Variants in IL9R observed in about 807,000 individuals in gnomAD.
IL9R encodes the protein interleukin 9 receptor.
IL9R carries 54 observed loss-of-function variants against 56.3 expected under a neutral mutation model. The observed-to-expected ratio is 0.96, with a 90% confidence interval of 0.77 to 1.20. The LOEUF (loss-of-function observed/expected upper bound fraction) is 1.20, where lower values mean the gene tolerates loss of function less well. IL9R is among the 50% of genes most tolerant of loss of function. The pLI is 0.00. For missense variants in IL9R, 545 were observed against 629.8 expected (o/e 0.87, Z 1.44); for synonymous variants, 212 against 250.2 (o/e 0.85, Z 1.44).
At chrX:156,005,123 G>A (rs1427173479) in intron 5 of IL9R, among the ~76,000 whole-genome samples, 155 bp from the exon 6 acceptor site, 4 of 152,048 alleles carry the variant, frequency 2.6e-5, no homozygotes, top group African/African-American at 9.7e-5. Context: ...CCTTCTGTGT[G>A]TGTGTGTGCA....
Position 156,003,509 on chromosome X carries a change from G to T in IL9R, c.203G>T (p.Trp68Leu). 6.2e-7 allele frequency: 1 copy of T among 1,612,684 alleles called. No individual in the cohort carries two copies. The highest frequency in any genetic ancestry group is 8.5e-7 in the Non-Finnish European group (1 of 1,179,810). ...TNNILRIDCH[W>L]SAPELGQGSS... ...AACATTCTCAGGATCGATTGCCACT[G>T]GTCTGCCCCAGAGCTGGGACAGGGC... Residue 68 changes from tryptophan (W) to leucine (L), a missense_variant, in exon 3 of 9, where the codon TGG becomes TTG. By Grantham distance (61) the Trp-to-Leu change is moderately conservative. Transcript: ENST00000244174.
At chrX:155,998,014 G>T (rs2067255740) in intron 1 of IL9R, among the ~76,000 whole-genome samples, 1 of 152,100 alleles carries the variant, frequency 6.6e-6, no homozygotes, top group Admixed American at 6.5e-5. Flanking sequence ...GTCCTGTAGG[G>T]GTCATGGGTT....
At chrX:156,009,266 T>TTGTG (rs1569479099) in intron 8 of IL9R, among the ~76,000 whole-genome samples, 1 of 32,744 alleles carries the variant, frequency 3.1e-5, no homozygotes, top group Non-Finnish European at 6.6e-5. Flanking sequence ...GTGTGTGTGT[T>TTGTG]TGTGTGTGTA....
At chrX:156,001,307 C>T in intron 1 of IL9R, 1 of 842,468 alleles carries the variant, frequency 1.2e-6, no homozygotes, top group African/African-American at 1.6e-5. Context: ...TCAGCTGTGG[C>T]CGTTGTGCCT....
rs756451413 is a variant in IL9R at position 156,009,906 on chromosome X, G to C, written c.1063G>C (p.Ala355Pro). ...QGALEPCVQE[A>P]TALLTCGPAR... Reference sequence around the variant, plus strand: ...AGCCTTGGAGCCCTGCGTCCAGGAGGCCACTGCACTGCTCACTTGTGGCCC... The same window carrying C: ...AGCCTTGGAGCCCTGCGTCCAGGAGCCCACTGCACTGCTCACTTGTGGCCC... Residue 355 changes from alanine (A) to proline (P), a missense_variant, in exon 9 of 9, where the codon GCC (alanine) becomes CCC (proline). Physicochemically the swap from Ala to Pro is conservative, Grantham distance 27 (BLOSUM62 -1). This residue lies in a region of IL9R where 114 missense variants were observed against 269.8 expected (regional missense o/e 0.42). Coordinates refer to ENST00000244174, the MANE Select transcript of IL9R (RefSeq NM_002186.3). 6.5e-7 allele frequency: 1 copy of C among 1,548,212 alleles called. No homozygotes were observed. The highest frequency in any genetic ancestry group is 8.6e-7 in the Non-Finnish European group (1 of 1,156,766).
At chrX:156,009,263 T>C (rs1286856527) in intron 8 of IL9R, among the ~76,000 whole-genome samples, 2 of 45,796 alleles carry the variant, frequency 4.4e-5, no homozygotes, top group African/African-American at 1.7e-4. Flanking sequence ...TGTGTGTGTG[T>C]GTTTGTGTGT....
chrX:156,005,069 T>C (rs752143141), intron 5 of IL9R, among the ~76,000 whole-genome samples: 3 of 152,240 alleles, frequency 2.0e-5, no homozygotes, highest in African/African-American at 7.2e-5. Flanking sequence ...TGTGCATATG[T>C]GTATTTGTGG....
intron 8 of IL9R, among the ~76,000 whole-genome samples, chrX:156,008,858 C>T (rs1423073856): frequency 2.7e-5 from 4 of 149,462 alleles, no homozygotes; most frequent in Non-Finnish European, 3.0e-5. Flanking sequence ...GACAGCGATT[C>T]GTGTGTGTGT....
intron 6 of IL9R, 36 bp downstream of exon 6, chrX:156,005,515 G>T: frequency 6.3e-7 from 1 of 1,578,994 alleles, no homozygotes; most frequent in Non-Finnish European, 8.7e-7. Flanking sequence ...TTCCAGCGGA[G>T]TCTGGGCTGG....
Position 156,010,158 on chromosome X carries a change from A to G in IL9R, c.1315A>G (p.Asn439Asp). The G allele has an allele frequency of 1.4e-6, 2 of 1,478,428 alleles. No individual in the cohort carries two copies. Among genetic ancestry groups the G allele is most frequent in the Non-Finnish European group, 9.0e-7 (1 of 1,111,936 alleles). The allele number at this position is 1,478,428 out of a possible 1,614,324, so 91.6% of individuals were successfully genotyped here. A position where few individuals can be genotyped will look rare whatever the true frequency, so the allele number is the denominator to read the frequency against. The change falls in exon 9 of 9, where the codon AAC becomes GAC. Residue 439 changes from asparagine (N) to aspartate (D), a missense_variant. Physicochemically the swap from Asn to Asp is conservative, Grantham distance 23 (BLOSUM62 1). This residue lies in a region of IL9R where 114 missense variants were observed against 269.8 expected (regional missense o/e 0.42). Coordinates refer to ENST00000244174, the MANE Select transcript of IL9R (RefSeq NM_002186.3). ...GAGCAGCAGCAGCAGCAGCAGCAGCAACAACAACAACTACTGTGCCTTGGG... is the reference window on the plus strand; with the variant it reads ...GAGCAGCAGCAGCAGCAGCAGCAGCGACAACAACAACTACTGTGCCTTGGG... ...SRSSSSSSSS[N>D]NNNYCALGCY...
intron 4 of IL9R, 47 bp downstream of exon 4, chrX:156,003,902 T>C: frequency 1.3e-6 from 2 of 1,597,566 alleles, no homozygotes; most frequent in Non-Finnish European, 1.7e-6. Flanking sequence ...GGCAAGAACA[T>C]CCTGGCTGCT....
At chrX:155,999,537 A>T (rs930350515) in intron 1 of IL9R, among the ~76,000 whole-genome samples, 1 of 151,814 alleles carries the variant, frequency 6.6e-6, no homozygotes, top group African/African-American at 2.4e-5. Context: ...CCCTGTCAGC[A>T]CCTTACATAC....
intron 5 of IL9R, 124 bp downstream of exon 5, chrX:156,004,689 G>T: frequency 3.1e-6 from 3 of 964,900 alleles, no homozygotes; most frequent in East Asian, 2.5e-5. Context: ...CTAGAGCGGG[G>T]TGTGTGTGCA....
chrX:156,009,138 TTTG>T (rs1481931525), intron 8 of IL9R, among the ~76,000 whole-genome samples: 2 of 116,204 alleles, frequency 1.7e-5, no homozygotes, highest in Admixed American at 7.6e-5. Context: ...TGTGTGTGTG[TTTG>T]TGTGTGTGTG....
At chrX:156,001,439 C>A (rs1353943001) in intron 1 of IL9R, 3 of 1,611,122 alleles carry the variant, frequency 1.9e-6, no homozygotes, top group Non-Finnish European at 2.5e-6. Flanking sequence ...GACACTGCTG[C>A]AGAGAACTTG....
intron 1 of IL9R, among the ~76,000 whole-genome samples, chrX:156,002,556 C>T (rs2067605370): frequency 6.6e-6 from 1 of 152,066 alleles, no homozygotes; most frequent in Non-Finnish European, 1.5e-5. Context: ...GGGCCTGGGC[C>T]CGGGAATGGG....
In IL9R at chrX:156,010,107, G is replaced by A. The variant is rs1330731707; in HGVS notation, c.1264G>A (p.Ala422Thr). 2 of 1,584,900 alleles carry A rather than the reference G, an allele frequency of 1.3e-6. No homozygotes were observed. Among genetic ancestry groups the A allele is most frequent in the South Asian group, 1.1e-5 (1 of 89,910 alleles). Residue 422 changes from alanine (A) to threonine (T), a missense_variant, in exon 9 of 9, where the codon GCT (alanine) becomes ACT (threonine). Transcript: ENST00000244174. ...DWAPTSLTRP[A>T]PPDSEGSRSS... Reference sequence around the variant, plus strand: ...GGCCCCCACGTCCCTGACTAGGCCGGCTCCCCCAGACTCAGAGGGCAGCAG... The same window carrying A: ...GGCCCCCACGTCCCTGACTAGGCCGACTCCCCCAGACTCAGAGGGCAGCAG...
chrX:156,006,760 G>C (rs955565285), intron 7 of IL9R, among the ~76,000 whole-genome samples: 19 of 151,856 alleles, frequency 1.3e-4, no homozygotes, highest in African/African-American at 4.6e-4. Flanking sequence ...GGGGCTAAGT[G>C]GGAGGGTGCT....
At chrX:156,008,097 T>A (rs2068109555) in intron 8 of IL9R, 1 of 216,326 alleles carries the variant, frequency 4.6e-6, no homozygotes, top group Non-Finnish European at 8.9e-6. Context: ...TTCCCCCCCT[T>A]CCACCCATGT....
Sources: allele counts gnomAD v4.1 joint callset (sites outside exome capture counted in the v4.1 genomes callset), GRCh38; gene constraint gnomAD v4.1.1; regional missense constraint gnomAD v4.1.1; transcripts MANE v1.5; gene names NCBI Gene and HGNC (gene_info 2026-07-23, HGNC 2026-07-21).